Variants in PDE10A observed in about 807,000 individuals in gnomAD.
PDE10A encodes the protein cAMP and cAMP-inhibited cGMP 3',5'-cyclic phosphodiesterase 10A.
In PDE10A, 39 loss-of-function variants were observed where a neutral mutation model predicts 97.7. The observed-to-expected ratio is 0.40, with a 90% CI of 0.31 to 0.52. The LOEUF is 0.52. PDE10A is among the 20% of genes least tolerant of loss of function. The probability of loss-of-function intolerance (pLI) is 0.56; values close to 1 mark genes in which losing one functional copy is unlikely to be tolerated. For synonymous variants in PDE10A, 371 were observed against 376.8 expected (o/e 0.98, Z 0.18); for missense variants, 731 against 1,047.8 (o/e 0.70, Z 4.17).
intron 1 of PDE10A, among the ~76,000 whole-genome samples, chr6:165,879,944 C>A (rs1000307002): frequency 8.6e-5 from 13 of 151,524 alleles, no homozygotes; most frequent in Non-Finnish European, 1.8e-4. Context: ...ACTCTTTAAC[C>A]CAGTAAAGTT....
At chr6:165,710,562 T>G (rs1482469260) in intron 1 of PDE10A, among the ~76,000 whole-genome samples, 1 of 152,220 alleles carries the variant, frequency 6.6e-6, no homozygotes, top group Non-Finnish European at 1.5e-5. Context: ...CGTTTTGTAT[T>G]TTAGAAAATT....
rs71029572 is a variant in PDE10A, at chr6:165,927,647, C to CATATATATATATATATATATAT, written c.-615+59860_-615+59881dup. On this transcript the variant is annotated intron_variant, in intron 1 of 19. Coordinates refer to the PDE10A transcript ENST00000366882. The stretch of plus-strand genomic sequence containing the variant: ...ATGAATATTATTAACATGAGAATGA[C>CATATATATATATATATATATAT]ATATATATATATATATATATATATA... Among the ~76,000 whole-genome samples, 102 of 73,154 alleles carry CATATATATATATATATATATAT rather than the reference C, an allele frequency of 1.4e-3. 1 individual carries two copies. Among genetic ancestry groups the CATATATATATATATATATATAT allele is most frequent in the East Asian group, 2.4e-3 (6 of 2,476 alleles). 48.0% of individuals were successfully genotyped at this position (73,154 alleles called of 152,430 possible). A position where few individuals can be genotyped will look rare whatever the true frequency, so the allele number is the denominator to read the frequency against.
intron 1 of PDE10A, among the ~76,000 whole-genome samples, chr6:165,616,703 T>C (rs951060793): frequency 2.6e-5 from 4 of 152,178 alleles, no homozygotes; most frequent in African/African-American, 4.8e-5. Flanking sequence ...CATAGACAAC[T>C]TATTATAATC....
intron 1 of PDE10A, among the ~76,000 whole-genome samples, chr6:165,650,663 C>T (rs762191304): frequency 6.6e-6 from 1 of 152,118 alleles, no homozygotes; most frequent in Non-Finnish European, 1.5e-5. Context: ...AACAATACTA[C>T]GCCATATTCA....
At chr6:165,944,840 G>T (rs188502) in intron 1 of PDE10A, among the ~76,000 whole-genome samples, 2 of 151,930 alleles carry the variant, frequency 1.3e-5, no homozygotes, top group African/African-American at 2.4e-5. Context: ...TGAAAAAAAA[G>T]TATCTTCTAT....
intron 1 of PDE10A, among the ~76,000 whole-genome samples, chr6:165,936,103 G>A: frequency 6.6e-6 from 1 of 152,188 alleles, no homozygotes; most frequent in East Asian, 1.9e-4. Context: ...AATAATGAGG[G>A]AAAGAAGCAG....
chr6:165,607,939 AG>A (rs1304654083), intron 1 of PDE10A, among the ~76,000 whole-genome samples: 1 of 151,978 alleles, frequency 6.6e-6, no homozygotes, highest in African/African-American at 2.4e-5. Context: ...AGAGAACAGA[AG>A]GGGAACGACC....
At chr6:165,572,005 G>A (rs1460994999) in intron 1 of PDE10A, among the ~76,000 whole-genome samples, 1 of 152,188 alleles carries the variant, frequency 6.6e-6, no homozygotes, top group Non-Finnish European at 1.5e-5. Flanking sequence ...TGAACTTACT[G>A]CACAGAGCAG....
chr6:165,917,182 G>A (rs1782628848), intron 1 of PDE10A, among the ~76,000 whole-genome samples: 1 of 152,134 alleles, frequency 6.6e-6, no homozygotes, highest in African/African-American at 2.4e-5. Context: ...GGGAGCAAGA[G>A]GGAGGTTCAC....
intron 1 of PDE10A, among the ~76,000 whole-genome samples, chr6:165,873,012 G>A (rs1468991687): frequency 1.3e-5 from 2 of 152,226 alleles, no homozygotes; most frequent in Non-Finnish European, 2.9e-5. Context: ...GTGGGAGGCA[G>A]ATGCGTTCAC....
At chr6:165,960,573 G>A (rs963109617) in intron 1 of PDE10A, among the ~76,000 whole-genome samples, 13 of 152,228 alleles carry the variant, frequency 8.5e-5, no homozygotes, top group African/African-American at 2.7e-4. Flanking sequence ...CAAGCCTGTA[G>A]TCTTGAAAGG....
intron 1 of PDE10A, among the ~76,000 whole-genome samples, chr6:165,640,951 C>G (rs1789100416): frequency 6.6e-6 from 1 of 152,250 alleles, no homozygotes; most frequent in Non-Finnish European, 1.5e-5. Flanking sequence ...TGTCTGATGT[C>G]ACTATATAGT....
At chr6:165,758,638 G>A (rs1793180143) in intron 1 of PDE10A, among the ~76,000 whole-genome samples, 1 of 148,272 alleles carries the variant, frequency 6.7e-6, no homozygotes, top group African/African-American at 2.5e-5. Flanking sequence ...AAGAAGAAGA[G>A]GAAGAAGGAA....
At chr6:165,860,482 CA>C (rs562077637) in intron 1 of PDE10A, among the ~76,000 whole-genome samples, 1 of 151,872 alleles carries the variant, frequency 6.6e-6, no homozygotes, top group Non-Finnish European at 1.5e-5. Flanking sequence ...AACAAACAAA[CA>C]AAAAAACACA....
intron 5 of PDE10A, among the ~76,000 whole-genome samples, chr6:165,447,102 A>T (rs559887816): frequency 1.2e-4 from 18 of 152,278 alleles, no homozygotes; most frequent in East Asian, 1.9e-4. Flanking sequence ...AAGCAAAAAA[A>T]AAAAATAAAA....
intron 13 of PDE10A, among the ~76,000 whole-genome samples, chr6:165,404,023 A>G (rs1786900082): frequency 6.6e-6 from 1 of 152,222 alleles, no homozygotes; most frequent in African/African-American, 2.4e-5. Context: ...TAGGAAAATT[A>G]CACTTAATAA....
At chr6:165,862,891 G>T (rs1780946517) in intron 1 of PDE10A, among the ~76,000 whole-genome samples, 1 of 152,144 alleles carries the variant, frequency 6.6e-6, no homozygotes, top group African/African-American at 2.4e-5. Flanking sequence ...TGTTGGCCAG[G>T]CTGGTCTCGA....
At chr6:165,723,295 T>C (rs2128449021) in intron 1 of PDE10A, among the ~76,000 whole-genome samples, 1 of 152,352 alleles carries the variant, frequency 6.6e-6, no homozygotes, top group Middle Eastern at 3.4e-3. Flanking sequence ...TTTCTGGTGA[T>C]TTGCTGTCTC....
chr6:165,911,037 A>G (rs560145190), intron 1 of PDE10A: 1 of 152,234 alleles, frequency 6.6e-6, no homozygotes, highest in South Asian at 2.1e-4. Context: ...ACAAACAAAA[A>G]ACCCCACACA....
Sources: gnomAD v4.1 joint callset for allele counts (sites outside exome capture counted in the v4.1 genomes callset) on GRCh38, gnomAD v4.1.1 for gene constraint, MANE v1.5 for transcripts, NCBI Gene and HGNC (gene_info 2026-07-23, HGNC 2026-07-21) for gene names.